The following CFAP300 variants were observed in gnomAD, a reference collection of about 807,000 sequenced individuals.
CFAP300 encodes cilia- and flagella-associated protein 300.
In CFAP300, 32 loss-of-function variants were observed where a neutral mutation model predicts 33.0. That is an observed-to-expected ratio of 0.97 (90% CI 0.73 to 1.30). The LOEUF (loss-of-function observed/expected upper bound fraction) is 1.30, where lower values mean the gene tolerates loss of function less well. CFAP300 is among the 50% of genes most tolerant of loss of function. The pLI is 0.00. For missense variants in CFAP300, 356 were observed against 318.1 expected (o/e 1.12, Z -0.90); for synonymous variants, 102 against 106.8 (o/e 0.95, Z 0.28).
Position 102,065,769 on chromosome 11 carries a change from A to G in CFAP300, c.269-716A>G, listed in dbSNP as rs186915597. 5.3e-4 allele frequency among the ~76,000 whole-genome samples: 81 copies of G among 152,152 alleles called. 1 individual carries two copies. Among genetic ancestry groups the G allele is most frequent in the African/African-American group, 1.6e-3 (68 of 41,522 alleles). On this transcript the variant is annotated intron_variant, in intron 3 of 6. Coordinates refer to ENST00000434758, the MANE Select transcript of CFAP300 (RefSeq NM_032930.3). ...GAAACAAGAGCAAAACTCCATCTCA[A>G]AGAAAAAAAAAAGTGAGTTATAAAG...
chr11:102,060,058 G>A (rs750994585), intron 3 of CFAP300, among the ~76,000 whole-genome samples: 13 of 152,122 alleles, frequency 8.5e-5, no homozygotes, highest in South Asian at 6.2e-4. Flanking sequence ...TGCAACCTTC[G>A]TCTCCCAGGT....
At chr11:102,053,896 C>T (rs1490297056) in intron 2 of CFAP300, among the ~76,000 whole-genome samples, 1 of 152,226 alleles carries the variant, frequency 6.6e-6, no homozygotes, top group Non-Finnish European at 1.5e-5. Flanking sequence ...AACCTCTTCA[C>T]TTTCCTTGAA....
At chr11:102,053,579 CA>C (rs1565388077) in intron 2 of CFAP300, among the ~76,000 whole-genome samples, 21 of 151,122 alleles carry the variant, frequency 1.4e-4, no homozygotes, top group African/African-American at 4.9e-4. Flanking sequence ...AACAAACAAA[CA>C]AACAAAAACC....
Position 102,055,962 on chromosome 11 carries a change from C to T in CFAP300, c.193-2918C>T, listed in dbSNP as rs368644184. 4.6e-5 allele frequency among the ~76,000 whole-genome samples: 7 copies of T among 152,284 alleles called. No homozygotes were observed. The East Asian group carries it at 5.8e-4, about 13-fold the overall frequency. On this transcript the variant is annotated intron_variant, in intron 2 of 6. Coordinates refer to ENST00000434758, the MANE Select transcript of CFAP300 (RefSeq NM_032930.3). ...GGGATTACAGGCATGAGCCACCGCGCCCGGCCCTAAACTACCCTTTTTTAA... is the reference window on the plus strand; with the variant it reads ...GGGATTACAGGCATGAGCCACCGCGTCCGGCCCTAAACTACCCTTTTTTAA...
At chr11:102,059,517 C>A (rs184537130) in intron 3 of CFAP300, among the ~76,000 whole-genome samples, 6 of 152,014 alleles carry the variant, frequency 3.9e-5, no homozygotes, top group Non-Finnish European at 7.4e-5. Context: ...GGCGTGGTGG[C>A]GAGCACCTGT....
chr11:102,059,281 ATGTGTGTG>A (rs55657614), intron 3 of CFAP300, among the ~76,000 whole-genome samples: 5,530 of 148,610 alleles, frequency 0.037, 290 homozygotes, highest in African/African-American at 0.11. Context: ...ATATGTTAAA[ATGTGTGTG>A]TGTGTGTGTG....
At chr11:102,073,835 C>A (rs1343089542) in intron 4 of CFAP300, among the ~76,000 whole-genome samples, 2 of 152,146 alleles carry the variant, frequency 1.3e-5, no homozygotes, top group Admixed American at 1.3e-4. Context: ...TACAAGGTTG[C>A]TGCCAGTGGC....
At chr11:102,061,371 G>A (rs1038867616) in intron 3 of CFAP300, among the ~76,000 whole-genome samples, 1 of 152,048 alleles carries the variant, frequency 6.6e-6, no homozygotes, top group African/African-American at 2.4e-5. Flanking sequence ...TTTTAAAATA[G>A]GTGAAGAGAC....
chr11:102,056,332 G>A (rs1442809545), intron 2 of CFAP300, among the ~76,000 whole-genome samples: 2 of 152,146 alleles, frequency 1.3e-5, no homozygotes, highest in African/African-American at 4.8e-5. Context: ...TCCAAAAGTA[G>A]AGTTTGTTGG....
At chr11:102,056,639 GT>G (rs1271526114) in intron 2 of CFAP300, among the ~76,000 whole-genome samples, 4 of 151,910 alleles carry the variant, frequency 2.6e-5, no homozygotes, top group African/African-American at 7.3e-5. Context: ...TTGTTTGTTT[GT>G]TTTAAGATAG....
intron 2 of CFAP300, among the ~76,000 whole-genome samples, chr11:102,053,983 T>C (rs1942011455): frequency 6.6e-6 from 1 of 152,206 alleles, no homozygotes; most frequent in African/African-American, 2.4e-5. Flanking sequence ...GTAATTCCAG[T>C]TGCATACTGG....
At chr11:102,054,798 G>A (rs1460277546) in intron 2 of CFAP300, among the ~76,000 whole-genome samples, 1 of 149,994 alleles carries the variant, frequency 6.7e-6, no homozygotes, top group Non-Finnish European at 1.5e-5. Context: ...TCTCTCAAGA[G>A]GGAAAAGTGA....
In CFAP300 at chr11:102,066,480, T is replaced by C; in HGVS notation, c.269-5T>C. 1.3e-6 allele frequency: 2 copies of C among 1,567,218 alleles called. No homozygotes were observed. The highest frequency in any genetic ancestry group is 1.7e-6 in the Non-Finnish European group (2 of 1,158,250). The stretch of plus-strand genomic sequence containing the variant: ...CTCCATTCTTTATAAAATATCTTTT[T>C]TCAGGAACTGAAGTGAAAAAAATTG... On this transcript the variant is annotated splice_polypyrimidine_tract_variant and splice_region_variant and intron_variant, in intron 3 of 6. Coordinates refer to ENST00000434758, the MANE Select transcript of CFAP300 (RefSeq NM_032930.3).
chr11:102,076,061 C>G lies in CFAP300; in HGVS notation c.608+16C>G. 1.3e-6 allele frequency: 2 copies of G among 1,594,336 alleles called. No homozygotes were observed. The highest frequency in any genetic ancestry group is 1.7e-6 in the Non-Finnish European group (2 of 1,173,042). ...ATCTGGTGAGGTAATGTTGCTAGAT[C>G]ACAATATGTAAATCTCTAGTTAATA... On this transcript the variant is annotated intron_variant, in intron 5 of 6. Coordinates refer to ENST00000434758, the MANE Select transcript of CFAP300 (RefSeq NM_032930.3).
chr11:102,071,986 G>T (rs1407078488), intron 4 of CFAP300, among the ~76,000 whole-genome samples: 1 of 152,040 alleles, frequency 6.6e-6, no homozygotes, highest in Non-Finnish European at 1.5e-5. Flanking sequence ...GTACTTATTT[G>T]GGGATCTTTA....
chr11:102,060,895 T>TA (rs1942141062), intron 3 of CFAP300, among the ~76,000 whole-genome samples: 1 of 152,166 alleles, frequency 6.6e-6, no homozygotes, highest in African/African-American at 2.4e-5. Flanking sequence ...ACAGACTACT[T>TA]ACAAAATTAA....
intron 2 of CFAP300, among the ~76,000 whole-genome samples, chr11:102,057,578 A>ATG (rs1942078805): frequency 6.6e-6 from 1 of 152,154 alleles, no homozygotes; most frequent in Non-Finnish European, 1.5e-5. Flanking sequence ...GCTGTCCAGC[A>ATG]CCTTGTAAAC....
At chr11:102,054,094 G>A (rs1466194717) in intron 2 of CFAP300, among the ~76,000 whole-genome samples, 1 of 152,188 alleles carries the variant, frequency 6.6e-6, no homozygotes, top group African/African-American at 2.4e-5. Flanking sequence ...ACAGGCAAAC[G>A]CCACAATCAG....
At chr11:102,067,620 C>T (rs1942248882) in intron 4 of CFAP300, among the ~76,000 whole-genome samples, 1 of 152,220 alleles carries the variant, frequency 6.6e-6, no homozygotes, top group South Asian at 2.1e-4. Flanking sequence ...AGTGCCCATT[C>T]TACCTTCTTC....
Sources: gnomAD v4.1 joint callset for allele counts (sites outside exome capture counted in the v4.1 genomes callset) on GRCh38, gnomAD v4.1.1 for gene constraint, MANE v1.5 for transcripts, NCBI Gene and HGNC (gene_info 2026-07-23, HGNC 2026-07-21) for gene names.